The following PCLO variants were observed in gnomAD, a reference collection of about 807,000 sequenced individuals.
The protein encoded by PCLO is piccolo presynaptic cytomatrix protein, also known as protein piccolo.
In PCLO, 82 loss-of-function variants were observed where a neutral mutation model predicts 427.5. That is an observed-to-expected ratio of 0.19 (90% CI 0.16 to 0.23). The LOEUF (loss-of-function observed/expected upper bound fraction) is 0.23, where lower values mean the gene tolerates loss of function less well. PCLO is among the 10% of genes least tolerant of loss of function. The pLI, the probability that PCLO is intolerant of heterozygous loss-of-function variation, is 1.00. For synonymous variants in PCLO, 2,357 were observed against 2,155.4 expected (o/e 1.09, Z -2.59); for missense variants, 6,239 against 6,115.9 (o/e 1.02, Z -0.67).
At chr7:82,893,416 C>G (rs374695240) in intron 9 of PCLO, among the ~76,000 whole-genome samples, 1 of 151,766 alleles carries the variant, frequency 6.6e-6, no homozygotes, top group South Asian at 2.1e-4. Context: ...CACACTGGGC[C>G]CTGTTGTGGG....
intron 9 of PCLO, among the ~76,000 whole-genome samples, chr7:82,889,801 G>T (rs1174782160): frequency 6.6e-6 from 1 of 151,958 alleles, no homozygotes; most frequent in Non-Finnish European, 1.5e-5. Flanking sequence ...TTATATTTTT[G>T]AAGAGCTTTT....
At chr7:82,879,602 A>G in intron 9 of PCLO, 140 bp from the exon 10 acceptor site, 1 of 614,208 alleles carries the variant, frequency 1.6e-6, no homozygotes, top group Non-Finnish European at 2.9e-6. Context: ...CACCAAAACC[A>G]AAGTATGTTA....
intron 22 of PCLO, among the ~76,000 whole-genome samples, chr7:82,780,726 G>A (rs982355013): frequency 6.6e-6 from 1 of 152,086 alleles, no homozygotes; most frequent in Non-Finnish European, 1.5e-5. Flanking sequence ...ACAAATAAGT[G>A]GTTACTAACA....
chr7:82,804,174 A>G (rs537420046), intron 21 of PCLO, among the ~76,000 whole-genome samples: 2 of 152,298 alleles, frequency 1.3e-5, no homozygotes, highest in African/African-American at 2.4e-5. Context: ...GTCAAATTGG[A>G]TCATCAGAAG....
chr7:82,835,993 T>C (rs1792223801), intron 15 of PCLO, among the ~76,000 whole-genome samples: 1 of 152,046 alleles, frequency 6.6e-6, no homozygotes, highest in African/African-American at 2.4e-5. Flanking sequence ...CCTCACCAAG[T>C]AGGGACGTTT....
At chr7:82,867,447 G>A (rs28559917) in intron 10 of PCLO, among the ~76,000 whole-genome samples, 6,241 of 152,178 alleles carry the variant, frequency 0.041, 418 homozygotes, top group African/African-American at 0.14. Context: ...TTTAAATCCT[G>A]ATCTAACTCT....
intron 3 of PCLO, among the ~76,000 whole-genome samples, chr7:83,024,858 C>A (rs1788447541): frequency 1.3e-5 from 2 of 152,092 alleles, no homozygotes; most frequent in Admixed American, 1.3e-4. Context: ...TGACACCTCA[C>A]ACGGCAGGGT....
At chr7:83,018,770 A>T (rs1279279576) in intron 3 of PCLO, among the ~76,000 whole-genome samples, 1 of 151,958 alleles carries the variant, frequency 6.6e-6, no homozygotes, top group Non-Finnish European at 1.5e-5. Context: ...CACTTTTGAA[A>T]CTCAATTTGG....
At chr7:83,025,303 G>A (rs1788463080) in intron 3 of PCLO, among the ~76,000 whole-genome samples, 1 of 151,550 alleles carries the variant, frequency 6.6e-6, no homozygotes, top group Admixed American at 6.6e-5. Flanking sequence ...ACTACGTGAA[G>A]AATGCAGAAG....
chr7:83,064,658 C>A (rs573142271), intron 3 of PCLO, among the ~76,000 whole-genome samples: 1 of 151,968 alleles, frequency 6.6e-6, no homozygotes, highest in East Asian at 1.9e-4. Context: ...AGGATGGGGA[C>A]AAAAGTTAGA....
At chr7:83,097,954 C>T (rs1434814235) in intron 3 of PCLO, among the ~76,000 whole-genome samples, 1 of 151,964 alleles carries the variant, frequency 6.6e-6, no homozygotes, top group Non-Finnish European at 1.5e-5. Flanking sequence ...TTAATATCTG[C>T]ATTTATAATG....
At chr7:83,042,345 T>A (rs1387224546) in intron 3 of PCLO, among the ~76,000 whole-genome samples, 1 of 152,170 alleles carries the variant, frequency 6.6e-6, no homozygotes, top group East Asian at 1.9e-4. Context: ...ATATATTGCA[T>A]GTTTCTTGAA....
intron 22 of PCLO, among the ~76,000 whole-genome samples, chr7:82,775,366 G>A (rs916305747): frequency 6.6e-6 from 1 of 152,194 alleles, no homozygotes; most frequent in Middle Eastern, 3.2e-3. Context: ...CAACGAATGA[G>A]CATTCCTGTT....
At chr7:83,015,674 T>A (rs1211655125) in intron 3 of PCLO, among the ~76,000 whole-genome samples, 1 of 152,154 alleles carries the variant, frequency 6.6e-6, no homozygotes, top group African/African-American at 2.4e-5. Flanking sequence ...GTAACATGTA[T>A]TATCCTTAAA....
chr7:83,071,337 T>C (rs1457039131), intron 3 of PCLO, among the ~76,000 whole-genome samples: 1 of 152,206 alleles, frequency 6.6e-6, no homozygotes, highest in Admixed American at 6.5e-5. Flanking sequence ...TGACAATAGT[T>C]ATATCTTCTT....
intron 22 of PCLO, among the ~76,000 whole-genome samples, chr7:82,770,372 T>C (rs1270055231): frequency 6.6e-6 from 1 of 152,000 alleles, no homozygotes; most frequent in African/African-American, 2.4e-5. Context: ...AATAAACCCA[T>C]CATCTCACTC....
intron 22 of PCLO, among the ~76,000 whole-genome samples, chr7:82,791,475 C>T (rs1275834638): frequency 2.0e-5 from 3 of 152,156 alleles, no homozygotes; most frequent in Non-Finnish European, 2.9e-5. Context: ...CAGGACAAAA[C>T]ATGACTTGAG....
rs1453512404 is a variant in PCLO, at chr7:82,871,371, ATGTTCTCACTCATAT to A, written c.13654+7951_13654+7965del. ...CCAGACACAGAAAGACAAATATTACATGTTCTCACTCATATGTGGGAGCTAAATAAATTGATCTCA... is the reference window on the plus strand; with the variant it reads ...CCAGACACAGAAAGACAAATATTACAGTGGGAGCTAAATAAATTGATCTCA... On this transcript the variant is annotated intron_variant, in intron 10 of 24. Transcript: ENST00000333891. 2.1e-4 allele frequency among the ~76,000 whole-genome samples: 32 copies of A among 151,996 alleles called. 1 individual carries two copies. The highest frequency in any genetic ancestry group is 4.6e-4 in the Non-Finnish European group (31 of 67,924).
At chr7:83,084,320 C>G (rs989022654) in intron 3 of PCLO, among the ~76,000 whole-genome samples, 10 of 151,692 alleles carry the variant, frequency 6.6e-5, no homozygotes, top group Admixed American at 1.3e-4. Flanking sequence ...TTTTAAGGCT[C>G]AAGTATATAA....
Sources: allele counts gnomAD v4.1 joint callset (sites outside exome capture counted in the v4.1 genomes callset), GRCh38; gene constraint gnomAD v4.1.1; transcripts MANE v1.5; gene names NCBI Gene and HGNC (gene_info 2026-07-23, HGNC 2026-07-21).